Variants in SAMD3 observed in about 807,000 individuals in gnomAD.
SAMD3 encodes sterile alpha motif domain-containing protein 3.
SAMD3 carries 63 observed loss-of-function variants against 58.5 expected under a neutral mutation model. That is an observed-to-expected ratio of 1.08 (90% CI 0.88 to 1.33). The LOEUF (loss-of-function observed/expected upper bound fraction) is 1.33. SAMD3 is among the 40% of genes most tolerant of loss of function. The pLI is 0.00. For missense variants in SAMD3, 604 were observed against 608.4 expected, an observed-to-expected ratio of 0.99 and a Z score of 0.08; for synonymous variants, 220 against 210.3, an observed-to-expected ratio of 1.05 and a Z score of -0.40.
intron 5 of SAMD3, among the ~76,000 whole-genome samples, chr6:130,193,433 C>A (rs1793756207): frequency 6.6e-6 from 1 of 151,990 alleles, no homozygotes; most frequent in African/African-American, 2.4e-5. Flanking sequence ...GCGCCCTGAT[C>A]CCTTATTTCC....
chr6:130,150,781 G>A (rs371726977), intron 9 of SAMD3, among the ~76,000 whole-genome samples: 2 of 150,082 alleles, frequency 1.3e-5, no homozygotes, highest in Non-Finnish European at 3.0e-5. Flanking sequence ...GCACAATCTC[G>A]GCTCACTATA....
intron 8 of SAMD3, among the ~76,000 whole-genome samples, chr6:130,164,420 G>A (rs1482383160): frequency 6.6e-6 from 1 of 152,132 alleles, no homozygotes; most frequent in East Asian, 1.9e-4. Context: ...CCACGCTAAA[G>A]ATAGTACAAG....
upstream of SAMD3, among the ~76,000 whole-genome samples, chr6:130,224,669 A>G (rs1796338156): frequency 6.6e-6 from 1 of 151,042 alleles, no homozygotes; most frequent in Non-Finnish European, 1.5e-5. Context: ...CCCAGGCTGG[A>G]GTGTAATGGC....
chr6:130,330,510 T>C (rs1329868202), intron 1 of SAMD3, among the ~76,000 whole-genome samples: 1 of 152,194 alleles, frequency 6.6e-6, no homozygotes, highest in Non-Finnish European at 1.5e-5. Flanking sequence ...TAACTGGATA[T>C]GGCTGCTGGA....
rs956208350 is a variant in SAMD3 at position 130,184,465 on chromosome 6, T to C, written c.542A>G (p.Asp181Gly). 7.4e-6 allele frequency: 12 copies of C among 1,613,974 alleles called. No homozygotes were observed. In the East Asian group the frequency reaches 2.0e-4, roughly 27 times the overall value. ...TGAGCCTTCCAGATACTTAGTCATG[T>C]CGGCCTGGAGAAACTCAATGATCCT... ...RIRIIEFLQA[D>G]MTKYLEGSLY... The change falls in exon 6 of 12, where the codon GAC (aspartate) becomes GGC (glycine). Residue 181 changes from aspartate (D) to glycine (G), a missense_variant. Physicochemically the swap from Asp to Gly is moderately conservative, Grantham distance 94. Coordinates refer to ENST00000439090, the MANE Select transcript of SAMD3 (RefSeq NM_001017373.4).
intron 5 of SAMD3, among the ~76,000 whole-genome samples, chr6:130,196,343 C>T (rs1040251708): frequency 6.6e-6 from 1 of 152,120 alleles, no homozygotes; most frequent in African/African-American, 2.4e-5. Context: ...TTGTTAAGTC[C>T]CACAATTATC....
chr6:130,301,254 A>G (rs1583070711), intron 2 of SAMD3, among the ~76,000 whole-genome samples: 1 of 152,284 alleles, frequency 6.6e-6, no homozygotes, highest in East Asian at 1.9e-4. Flanking sequence ...AGTCTTTGCT[A>G]TTAAATACCA....
intron 2 of SAMD3, among the ~76,000 whole-genome samples, chr6:130,285,540 C>T (rs758522025): frequency 6.6e-5 from 10 of 152,016 alleles, no homozygotes; most frequent in Admixed American, 1.3e-4. Context: ...TGAGGGTGCA[C>T]GGTTGAGGAT....
intron 2 of SAMD3, among the ~76,000 whole-genome samples, chr6:130,233,542 G>C (rs1394195118): frequency 6.6e-6 from 1 of 152,178 alleles, no homozygotes; most frequent in Non-Finnish European, 1.5e-5. Flanking sequence ...GAGCTGAACA[G>C]AGGAAAAAAT....
chr6:130,212,096 T>C (rs1445154438), intron 4 of SAMD3, among the ~76,000 whole-genome samples: 1 of 151,884 alleles, frequency 6.6e-6, no homozygotes, highest in Non-Finnish European at 1.5e-5. Context: ...AGGGTTCTTC[T>C]GTACACCAAG....
chr6:130,161,588 A>C (rs1454355240), intron 8 of SAMD3: 1 of 152,286 alleles, frequency 6.6e-6, no homozygotes, highest in Non-Finnish European at 1.5e-5. Flanking sequence ...TAAAATTCTC[A>C]CCATTTTAAT....
intron 1 of SAMD3, among the ~76,000 whole-genome samples, chr6:130,327,205 A>T (rs1393403481): frequency 1.3e-5 from 2 of 152,196 alleles, no homozygotes; most frequent in African/African-American, 4.8e-5. Context: ...TTTTACTATG[A>T]AAAATAAGCA....
intron 2 of SAMD3, among the ~76,000 whole-genome samples, chr6:130,232,608 T>C (rs1351596383): frequency 2.6e-5 from 4 of 152,068 alleles, no homozygotes; most frequent in Admixed American, 2.0e-4. Flanking sequence ...AAAAATAAGG[T>C]CTACATGTTG....
At chr6:130,348,484 C>T (rs1456885541) in intron 1 of SAMD3, among the ~76,000 whole-genome samples, 2 of 152,020 alleles carry the variant, frequency 1.3e-5, no homozygotes, top group Non-Finnish European at 2.9e-5. Flanking sequence ...ACAAAGAAGG[C>T]CATTACATAA....
chr6:130,357,050 A>G (rs539353228), intron 1 of SAMD3, among the ~76,000 whole-genome samples: 1 of 152,128 alleles, frequency 6.6e-6, no homozygotes, highest in East Asian at 1.9e-4. Context: ...GGGAATGCAG[A>G]ATTTCTTGAT....
intron 5 of SAMD3, among the ~76,000 whole-genome samples, chr6:130,194,530 C>A (rs1490516905): frequency 1.3e-5 from 2 of 152,242 alleles, no homozygotes; most frequent in East Asian, 3.8e-4. Context: ...ACCCCAGCCA[C>A]ATCTCCAGCA....
chr6:130,209,489 C>A lies in SAMD3; in HGVS notation c.383+6G>T, dbSNP rs748908286. The A allele has an allele frequency of 3.3e-6, 5 of 1,519,390 alleles. No homozygotes were observed. The South Asian group carries it at 5.6e-5, about 17-fold the overall frequency. The allele number at this position is 1,519,390 out of a possible 1,614,324, so 94.1% of individuals were successfully genotyped here. ...CTTTAAACTGTCTTAAAGTTGGTACCCCCACCTCTGTTTCAATACTCTTTG... is the reference window on the plus strand; with the variant it reads ...CTTTAAACTGTCTTAAAGTTGGTACACCCACCTCTGTTTCAATACTCTTTG... On this transcript the variant is annotated splice_donor_region_variant and intron_variant, in intron 5 of 11. Coordinates refer to ENST00000439090, the MANE Select transcript of SAMD3 (RefSeq NM_001017373.4).
chr6:130,316,777 A>G (rs1175208154), intron 1 of SAMD3, among the ~76,000 whole-genome samples: 1 of 152,220 alleles, frequency 6.6e-6, no homozygotes, highest in Non-Finnish European at 1.5e-5. Context: ...ATGGGATCAA[A>G]TAAAAGTGTT....
At chr6:130,276,021 G>C (rs934313429) in intron 2 of SAMD3, among the ~76,000 whole-genome samples, 1 of 152,024 alleles carries the variant, frequency 6.6e-6, no homozygotes, top group African/African-American at 2.4e-5. Context: ...AAATTTTCCT[G>C]GTGGGCTTAT....
Sources: gnomAD v4.1 joint callset for allele counts (sites outside exome capture counted in the v4.1 genomes callset) on GRCh38, gnomAD v4.1.1 for gene constraint, MANE v1.5 for transcripts, NCBI Gene and HGNC (gene_info 2026-07-23, HGNC 2026-07-21) for gene names.